Variants in GALNTL5 observed in about 807,000 individuals in gnomAD.
GALNTL5 encodes polypeptide N-acetylgalactosaminyltransferase like 5.
Under a neutral mutation model 51.0 loss-of-function variants are expected in GALNTL5, and 44 were observed. The ratio of observed to expected loss-of-function variants is 0.86; its 90% CI spans 0.68 to 1.11. The LOEUF is 1.11. Among genes scored for constraint, GALNTL5 ranks in the 50% least tolerant of loss-of-function variants. The pLI, the probability that GALNTL5 is intolerant of heterozygous loss-of-function variation, is 0.00. For synonymous variants in GALNTL5, 192 were observed against 182.8 expected, an observed-to-expected ratio of 1.05 and a Z score of -0.41; for missense variants, 528 against 531.8, an observed-to-expected ratio of 0.99 and a Z score of 0.07.
chr7:152,007,413 C>CTTTTT (rs34271081), intron 6 of GALNTL5, among the ~76,000 whole-genome samples: 4 of 109,936 alleles, frequency 3.6e-5, no homozygotes, highest in Non-Finnish European at 7.4e-5. Flanking sequence ...AATGTTTTCT[C>CTTTTT]TTTTTTTTTT....
chr7:151,982,243 T>A (rs2081301651), intron 3 of GALNTL5, among the ~76,000 whole-genome samples: 1 of 151,724 alleles, frequency 6.6e-6, no homozygotes, highest in Admixed American at 6.6e-5. Flanking sequence ...TGAAACACTG[T>A]CTCTACTAAA....
intron 6 of GALNTL5, among the ~76,000 whole-genome samples, chr7:152,003,194 C>T (rs2081604781): frequency 6.6e-6 from 1 of 152,136 alleles, no homozygotes; most frequent in Non-Finnish European, 1.5e-5. Flanking sequence ...CTCTTTGATT[C>T]TCTGGTACTG....
At chr7:151,993,018 A>AC (rs2081447045) in intron 5 of GALNTL5, among the ~76,000 whole-genome samples, 1 of 152,114 alleles carries the variant, frequency 6.6e-6, no homozygotes, top group Non-Finnish European at 1.5e-5. Flanking sequence ...CGGGCGGATC[A>AC]CCTGAGGTCG....
intron 5 of GALNTL5, among the ~76,000 whole-genome samples, chr7:151,993,666 G>A (rs767500019): frequency 3.9e-5 from 6 of 151,952 alleles, no homozygotes; most frequent in Non-Finnish European, 7.4e-5. Context: ...TGTCACCCAC[G>A]CTGGAGTGCA....
chr7:151,981,852 T>G (rs2081296040), intron 3 of GALNTL5, among the ~76,000 whole-genome samples: 1 of 151,302 alleles, frequency 6.6e-6, no homozygotes, highest in African/African-American at 2.4e-5. Context: ...TTTGCCATGT[T>G]GTCCAGGCTG....
At chr7:151,984,134 CT>C (rs1363383702) in intron 4 of GALNTL5, 1 of 152,106 alleles carries the variant, frequency 6.6e-6, no homozygotes, top group East Asian at 1.9e-4. Flanking sequence ...CTATTAAGGG[CT>C]TAATGCAGGA....
intron 3 of GALNTL5, among the ~76,000 whole-genome samples, chr7:151,980,790 G>C (rs1274068304): frequency 8.7e-6 from 1 of 115,290 alleles, no homozygotes; most frequent in African/African-American, 3.6e-5. Flanking sequence ...CTGTCGCCCA[G>C]GCTGGAGTGC....
intron 8 of GALNTL5, among the ~76,000 whole-genome samples, chr7:152,018,784 A>G (rs1025056382): frequency 6.6e-6 from 1 of 152,156 alleles, no homozygotes; most frequent in Non-Finnish European, 1.5e-5. Context: ...ATGCGATGGC[A>G]AAGACCTACA....
intron 3 of GALNTL5, among the ~76,000 whole-genome samples, chr7:151,982,573 T>C (rs1025605261): frequency 1.3e-5 from 2 of 152,226 alleles, no homozygotes; most frequent in Non-Finnish European, 2.9e-5. Flanking sequence ...ATAAAGTTAA[T>C]GTACACTTTT....
chr7:152,009,247 G>A (rs1019495342), intron 7 of GALNTL5, among the ~76,000 whole-genome samples: 1 of 152,160 alleles, frequency 6.6e-6, no homozygotes, highest in African/African-American at 2.4e-5. Flanking sequence ...TTCATTTCTC[G>A]TTTACTCCTC....
Position 152,007,953 on chromosome 7 carries a change from G to C in GALNTL5, c.1026+9G>C, listed in dbSNP as rs1367287870. 7.2e-7 allele frequency: 1 copy of C among 1,386,330 alleles called. No homozygotes were observed. Among genetic ancestry groups the C allele is most frequent in the East Asian group, 2.3e-5 (1 of 43,804 alleles). 85.9% of individuals were successfully genotyped at this position (1,386,330 alleles called of 1,614,324 possible). A position where few individuals can be genotyped will look rare whatever the true frequency, so the allele number is the denominator to read the frequency against. ...TGGAACTTTCACTAAGGGTAATTCA[G>C]ATTTCATTTTTAAAATAGCTATAGA... On this transcript the variant is annotated intron_variant, in intron 7 of 8. Coordinates refer to ENST00000392800, the MANE Select transcript of GALNTL5 (RefSeq NM_145292.4).
intron 2 of GALNTL5, among the ~76,000 whole-genome samples, chr7:151,969,385 A>G (rs1417263542): frequency 6.6e-6 from 1 of 152,184 alleles, no homozygotes; most frequent in Non-Finnish European, 1.5e-5. Context: ...TTTTTTCCAT[A>G]TGGATATTGT....
chr7:151,998,497 C>T (rs1470938201), intron 5 of GALNTL5, among the ~76,000 whole-genome samples: 2 of 152,128 alleles, frequency 1.3e-5, no homozygotes, highest in African/African-American at 4.8e-5. Flanking sequence ...CCAAGCTGGG[C>T]ATGGTGGCTC....
At chr7:151,981,998 C>T (rs910020437) in intron 3 of GALNTL5, among the ~76,000 whole-genome samples, 1 of 151,734 alleles carries the variant, frequency 6.6e-6, no homozygotes, top group Non-Finnish European at 1.5e-5. Context: ...CTTTAATTTA[C>T]AACCAAAATA....
At position 152,019,747 on chromosome 7, in the gene GALNTL5, G is replaced by A. The variant is rs747391726; in HGVS notation, c.1278G>A (p.Gln426=). The A allele has an allele frequency of 3.7e-6, 6 of 1,613,900 alleles. No individual in the cohort carries two copies. The African/African-American group carries it at 8.0e-5, about 22-fold the overall frequency. ...AACGACTGGGTTGCAAGTCATTTCA[G>A]TGGTATTTGGATAATGTCTTCCCAG... ...LRKRLGCKSF[Q]WYLDNVFPEL... Residue 426 remains glutamine (Q), a synonymous_variant, in exon 9 of 9, where the codon CAG becomes CAA. Transcript: ENST00000392800.
chr7:151,984,624 GTC>G (rs2081337879), intron 4 of GALNTL5, among the ~76,000 whole-genome samples: 1 of 152,178 alleles, frequency 6.6e-6, no homozygotes, highest in Admixed American at 6.5e-5. Context: ...GCACAGGACT[GTC>G]TATTTCTAGC....
intron 4 of GALNTL5, chr7:151,984,238 T>C (rs1353668494): frequency 2.0e-5 from 3 of 152,170 alleles, no homozygotes; most frequent in South Asian, 4.1e-4. Context: ...TTTTAAAGAA[T>C]TGTGATACTA....
chr7:151,962,426 AT>A (rs762885233), intron 1 of GALNTL5, among the ~76,000 whole-genome samples: 999 of 33,950 alleles, frequency 0.029, 25 homozygotes, highest in Non-Finnish European at 0.038. Flanking sequence ...AGTCTGTGTG[AT>A]TTTTTTTTCT....
intron 2 of GALNTL5, among the ~76,000 whole-genome samples, chr7:151,970,148 T>TGGG (rs541377168): frequency 8.5e-5 from 8 of 94,052 alleles, no homozygotes; most frequent in South Asian, 4.0e-4. Context: ...AGGGGGTAGT[T>TGGG]GGGGGGGCCC....
Sources: allele counts gnomAD v4.1 joint callset (sites outside exome capture counted in the v4.1 genomes callset), GRCh38; gene constraint gnomAD v4.1.1; transcripts MANE v1.5; gene names NCBI Gene and HGNC (gene_info 2026-07-23, HGNC 2026-07-21).